KLF5: variants seen among roughly 807,000 people sequenced by gnomAD.
KLF5 encodes the protein Krueppel-like factor 5.
A neutral mutation model predicts 36.9 loss-of-function variants in KLF5; 9 were observed. The observed-to-expected ratio is 0.24, with a 90% CI of 0.15 to 0.43. The LOEUF (loss-of-function observed/expected upper bound fraction) is 0.43, where lower values mean the gene tolerates loss of function less well. KLF5 is among the 20% of genes least tolerant of loss of function. The pLI, the probability that KLF5 is intolerant of heterozygous loss-of-function variation, is 1.00. For missense variants in KLF5, 524 were observed against 599.5 expected (o/e 0.87, Z 1.31); for synonymous variants, 246 against 241.7 (o/e 1.02, Z -0.17).
intron 3 of KLF5, among the ~76,000 whole-genome samples, chr13:73,065,293 G>A (rs1318003568): frequency 2.6e-5 from 4 of 152,202 alleles, no homozygotes; most frequent in Non-Finnish European, 4.4e-5. Context: ...TCAGTGCTGA[G>A]GTAGAGCCCT....
Position 73,059,301 on chromosome 13 carries a change from C to G in KLF5, c.-27C>G, listed in dbSNP as rs2044610323. On this transcript the variant is annotated 5_prime_UTR_variant, in exon 1 of 4. Transcript: ENST00000377687. The stretch of plus-strand genomic sequence containing the variant: ...CGAGGTGGGAAGTGCGCCCGACCCG[C>G]GCCTGGAGCTGCGCCCCCGAGTGCC... 1 of 1,345,440 alleles carries G rather than the reference C, an allele frequency of 7.4e-7. No homozygotes were observed. The highest frequency in any genetic ancestry group is 9.5e-7 in the Non-Finnish European group (1 of 1,048,014). 83.3% of individuals were successfully genotyped at this position (1,345,440 alleles called of 1,614,324 possible). A position where few individuals can be genotyped will look rare whatever the true frequency, so the allele number is the denominator to read the frequency against.
At position 73,075,979 on chromosome 13, in the gene KLF5, G is replaced by A. The variant is rs9573098; in HGVS notation, c.*93G>A. 1,025,264 of 1,125,820 alleles carry A rather than the reference G, an allele frequency of 0.91. 467,545 individuals are homozygous for A. Among genetic ancestry groups the A allele is most frequent in the East Asian group, 0.97 (35,725 of 36,804 alleles). The allele number at this position is 1,125,820 out of a possible 1,614,324, so 69.7% of individuals were successfully genotyped here. A position where few individuals can be genotyped will look rare whatever the true frequency, so the allele number is the denominator to read the frequency against. ...GTAAAAACAACAAAAACAAACAAAA[G>A]CAAGAAAACCACAACTAAAACTGGA... On this transcript the variant is annotated 3_prime_UTR_variant, in exon 4 of 4. Coordinates refer to ENST00000377687, the MANE Select transcript of KLF5 (RefSeq NM_001730.5).
At chr13:73,058,067 T>C (rs1046730717), upstream of KLF5, among the ~76,000 whole-genome samples, 2 of 152,262 alleles carry the variant, frequency 1.3e-5, no homozygotes, top group African/African-American at 4.8e-5. Context: ...GTAAATGTGC[T>C]AGGTTTCTGC....
At chr13:73,061,104 A>G (rs951231830) in intron 1 of KLF5, among the ~76,000 whole-genome samples, 1 of 152,194 alleles carries the variant, frequency 6.6e-6, no homozygotes, top group Non-Finnish European at 1.5e-5. Flanking sequence ...CACTCTACCA[A>G]GGGAGTGATT....
At chr13:73,066,354 T>C (rs2044680086) in intron 3 of KLF5, among the ~76,000 whole-genome samples, 1 of 151,556 alleles carries the variant, frequency 6.6e-6, no homozygotes, top group African/African-American at 2.4e-5. Context: ...AAGGCCCAGG[T>C]AGAACAGTTA....
At chr13:73,070,057 C>T (rs12428414) in intron 3 of KLF5, among the ~76,000 whole-genome samples, 24,675 of 152,120 alleles carry the variant, frequency 0.16, 2,759 homozygotes, top group East Asian at 0.48. Context: ...AAAGTATCTC[C>T]GTAGCAGCAT....
chr13:73,066,161 G>C (rs1450832314), intron 3 of KLF5, among the ~76,000 whole-genome samples: 1 of 152,050 alleles, frequency 6.6e-6, no homozygotes, highest in Admixed American at 6.6e-5. Context: ...TGTTCATCTG[G>C]CTAAACCTGT....
chr13:73,066,889 C>G (rs985609433), intron 3 of KLF5, among the ~76,000 whole-genome samples: 1 of 152,102 alleles, frequency 6.6e-6, no homozygotes, highest in African/African-American at 2.4e-5. Flanking sequence ...TTAGACAATA[C>G]TGGAAACATT....
chr13:73,063,983 CTTTGT>C (rs2044660259), intron 3 of KLF5, 100 bp downstream of exon 3: 19 of 351,358 alleles, frequency 5.4e-5, no homozygotes, highest in East Asian at 1.0e-4. Context: ...CTCCTGTCAA[CTTTGT>C]TTTTTTTTTT....
At position 73,059,528 on chromosome 13, in the gene KLF5, C is replaced by T. The variant is rs536197343; in HGVS notation, c.201C>T (p.Ala67=). The part of the protein sequence containing the change: ...RPQAQPAPAQ[A]PQPAQPPATG... ...AGGCGCAGCCCGCGCCCGCGCAGGC[C>T]CCGCAGCCGGCCCAGCCGCCCGCCA... The change falls in exon 1 of 4, where the codon GCC becomes GCT. Residue 67 remains alanine, a synonymous_variant. Coordinates refer to ENST00000377687, the MANE Select transcript of KLF5 (RefSeq NM_001730.5). The T allele has an allele frequency of 1.1e-5, 13 of 1,196,972 alleles. No homozygotes were observed. The African/African-American group carries it at 1.9e-4, about 18-fold the overall frequency. 74.1% of individuals were successfully genotyped at this position (1,196,972 alleles called of 1,614,324 possible).
At chr13:73,075,595 T>G in intron 3 of KLF5, 113 bp from the exon 4 acceptor site, 1 of 864,358 alleles carries the variant, frequency 1.2e-6, no homozygotes, top group South Asian at 2.1e-5. Context: ...TCATGAGCTT[T>G]CCTTCTTTCG....
chr13:73,059,938 ACG>A (rs1322101951), intron 1 of KLF5: 1 of 308,514 alleles, frequency 3.2e-6, no homozygotes, highest in East Asian at 1.7e-4. Context: ...TACTTAAATT[ACG>A]CCTTCGCCTG....
chr13:73,065,389 C>T (rs948388825), intron 3 of KLF5, among the ~76,000 whole-genome samples: 17 of 152,240 alleles, frequency 1.1e-4, no homozygotes, highest in African/African-American at 3.6e-4. Context: ...TACTAAAATC[C>T]GATGACAATG....
chr13:73,059,829 G>C (rs2044619002), intron 1 of KLF5: 12 of 956,890 alleles, frequency 1.3e-5, no homozygotes, highest in Non-Finnish European at 1.5e-5. Context: ...CGGCGGGTCG[G>C]CCTGGGAGAG....
At chr13:73,073,476 C>T (rs952668323) in intron 3 of KLF5, among the ~76,000 whole-genome samples, 5 of 152,152 alleles carry the variant, frequency 3.3e-5, no homozygotes, top group African/African-American at 1.2e-4. Flanking sequence ...TTAAAAAATA[C>T]TGGTGCAGTT....
Position 73,076,806 on chromosome 13 carries a change from A to G in KLF5, c.*920A>G, listed in dbSNP as rs963720099. 3.9e-5 allele frequency: 6 copies of G among 152,198 alleles called. No individual in the cohort carries two copies. The highest frequency in any genetic ancestry group is 1.4e-4 in the African/African-American group (6 of 41,452). 9.4% of individuals were successfully genotyped at this position (152,198 alleles called of 1,614,324 possible). A position where few individuals can be genotyped will look rare whatever the true frequency, so the allele number is the denominator to read the frequency against. ...TAGGGTGTCGTTTTCACATATGACAATGTTGCATTTATGATGCAGTTTCAA... is the reference window on the plus strand; with the variant it reads ...TAGGGTGTCGTTTTCACATATGACAGTGTTGCATTTATGATGCAGTTTCAA... On this transcript the variant is annotated 3_prime_UTR_variant, in exon 4 of 4. Coordinates refer to ENST00000377687, the MANE Select transcript of KLF5 (RefSeq NM_001730.5).
Position 73,075,719 on chromosome 13 carries a change from T to C in KLF5, c.1207T>C (p.Tyr403His), listed in dbSNP as rs2044755770. ...HLRTHTGEKP[Y>H]KCTWEGCDWR... ...GTTCGTTGTCACAGGTGAAAAGCCATACAAGTGTACCTGGGAAGGCTGCGA... is the reference window on the plus strand; with the variant it reads ...GTTCGTTGTCACAGGTGAAAAGCCACACAAGTGTACCTGGGAAGGCTGCGA... The change falls in exon 4 of 4, where the codon TAC (tyrosine) becomes CAC (histidine). Residue 403 changes from tyrosine to histidine, a missense_variant. Tyr to His is a moderately conservative substitution (Grantham distance 83, BLOSUM62 2). Coordinates refer to ENST00000377687, the MANE Select transcript of KLF5 (RefSeq NM_001730.5). The C allele has an allele frequency of 1.2e-6, 2 of 1,602,286 alleles. No homozygotes were observed. The highest frequency in any genetic ancestry group is 1.7e-6 in the Non-Finnish European group (2 of 1,170,932).
intron 3 of KLF5, among the ~76,000 whole-genome samples, chr13:73,066,424 C>G (rs1262725343): frequency 1.3e-5 from 2 of 151,420 alleles, no homozygotes; most frequent in African/African-American, 2.4e-5. Flanking sequence ...TCTTTCTGTC[C>G]TCCTCCTCCC....
chr13:73,075,626 TC>T, intron 3 of KLF5, 81 bp from the exon 4 acceptor site: 4 of 1,216,532 alleles, frequency 3.3e-6, no homozygotes, highest in Non-Finnish European at 4.5e-6. Flanking sequence ...ATTTTTTTTT[TC>T]TTTGAAATTC....
Sources: gnomAD v4.1 joint callset for allele counts (sites outside exome capture counted in the v4.1 genomes callset) on GRCh38, gnomAD v4.1.1 for gene constraint, MANE v1.5 for transcripts, NCBI Gene and HGNC (gene_info 2026-07-23, HGNC 2026-07-21) for gene names.